Variants in SLC22A24 observed in about 807,000 individuals in gnomAD.
The protein encoded by SLC22A24 is solute carrier family 22 member 24, also known as steroid transmembrane transporter SLC22A24.
A neutral mutation model predicts 49.8 loss-of-function variants in SLC22A24; 53 were observed. The ratio of observed to expected loss-of-function variants is 1.06; its 90% CI spans 0.85 to 1.34. The LOEUF (loss-of-function observed/expected upper bound fraction) is 1.34, where lower values mean the gene tolerates loss of function less well. SLC22A24 is among the 40% of genes most tolerant of loss of function. SLC22A24 has a pLI of 0.00. For missense variants in SLC22A24, 786 were observed against 675.9 expected, an observed-to-expected ratio of 1.16 and a Z score of -1.81; for synonymous variants, 302 against 256.4, an observed-to-expected ratio of 1.18 and a Z score of -1.70.
chr11:63,117,288 A>G (rs983080022), intron 4 of SLC22A24, among the ~76,000 whole-genome samples: 1 of 152,148 alleles, frequency 6.6e-6, no homozygotes, highest in Non-Finnish European at 1.5e-5. Flanking sequence ...TTGTTAACGA[A>G]TTCTGTAAAA....
intron 4 of SLC22A24, among the ~76,000 whole-genome samples, chr11:63,114,933 A>T (rs2087200949): frequency 1.3e-5 from 2 of 152,162 alleles, no homozygotes; most frequent in African/African-American, 4.8e-5. Context: ...TTCCTCTGGA[A>T]GCTTCGTCTC....
chr11:63,081,272 C>G (rs1565321149), intron 8 of SLC22A24, 149 bp from the exon 9 acceptor site: 2 of 706,386 alleles, frequency 2.8e-6, no homozygotes, highest in Admixed American at 2.8e-5. Context: ...ACATTTACCT[C>G]TGTTGGTTTC....
intron 2 of SLC22A24, among the ~76,000 whole-genome samples, chr11:63,131,209 A>G (rs1166733822): frequency 6.6e-6 from 1 of 151,940 alleles, no homozygotes; most frequent in Non-Finnish European, 1.5e-5. Flanking sequence ...GCACACCGAT[A>G]AAGAGTCTTG....
chr11:63,105,707 C>A (rs1033155551), intron 4 of SLC22A24, among the ~76,000 whole-genome samples: 3 of 151,952 alleles, frequency 2.0e-5, no homozygotes, highest in Non-Finnish European at 2.9e-5. Flanking sequence ...GTAAATAGGC[C>A]TATGATGGGA....
intron 4 of SLC22A24, among the ~76,000 whole-genome samples, chr11:63,109,634 A>G (rs1457873950): frequency 1.3e-5 from 2 of 151,618 alleles, no homozygotes; most frequent in African/African-American, 4.8e-5. Context: ...TTTTGGCTGC[A>G]TAAATGTCTT....
At chr11:63,104,034 G>GAT (rs1450924001) in intron 5 of SLC22A24, 141 bp downstream of exon 5, 10 of 725,342 alleles carry the variant, frequency 1.4e-5, no homozygotes, top group East Asian at 5.8e-5. Context: ...CAGGAGGAAA[G>GAT]ATATATATAT....
chr11:63,131,679 A>G (rs1257176393), intron 2 of SLC22A24, among the ~76,000 whole-genome samples: 2 of 152,190 alleles, frequency 1.3e-5, no homozygotes, highest in Non-Finnish European at 2.9e-5. Flanking sequence ...CTTAGTGGGT[A>G]ACCCCACCTT....
At chr11:63,135,923 G>C (rs1399549073) in intron 1 of SLC22A24, among the ~76,000 whole-genome samples, 1 of 152,182 alleles carries the variant, frequency 6.6e-6, no homozygotes, top group Non-Finnish European at 1.5e-5. Context: ...ATGACCAGTT[G>C]AGAGCAATCA....
At chr11:63,131,160 A>C (rs1356141745) in intron 2 of SLC22A24, among the ~76,000 whole-genome samples, 1 of 151,904 alleles carries the variant, frequency 6.6e-6, no homozygotes, top group Non-Finnish European at 1.5e-5. Flanking sequence ...TTTTGAGCCT[A>C]TACACGTCTT....
intron 2 of SLC22A24, among the ~76,000 whole-genome samples, chr11:63,121,142 T>C (rs1422403326): frequency 2.6e-5 from 4 of 152,188 alleles, no homozygotes; most frequent in African/African-American, 4.8e-5. Context: ...CTATGAACTT[T>C]AGTAAATAAT....
chr11:63,081,785 G>T, intron 7 of SLC22A24, 119 bp from the exon 8 acceptor site: 1 of 689,226 alleles, frequency 1.5e-6, no homozygotes, highest in South Asian at 1.7e-5. Flanking sequence ...TAGACAAACT[G>T]CAACATGCCA....
At chr11:63,099,406 G>A (rs1332315883) in intron 5 of SLC22A24, among the ~76,000 whole-genome samples, 1 of 45,988 alleles carries the variant, frequency 2.2e-5, no homozygotes, top group Non-Finnish European at 4.0e-5. Context: ...TTTTTGTAGA[G>A]ATAGGGTCTA....
intron 6 of SLC22A24, among the ~76,000 whole-genome samples, chr11:63,095,463 G>A (rs892057152): frequency 3.3e-5 from 5 of 152,130 alleles, no homozygotes; most frequent in Non-Finnish European, 7.4e-5. Flanking sequence ...TACACAGATA[G>A]CATGATTCCA....
At chr11:63,095,214 C>T (rs569284885) in intron 6 of SLC22A24, among the ~76,000 whole-genome samples, 1 of 151,988 alleles carries the variant, frequency 6.6e-6, no homozygotes, top group South Asian at 2.1e-4. Flanking sequence ...AGTTGAAGTG[C>T]ACATTTGCAC....
intron 4 of SLC22A24, among the ~76,000 whole-genome samples, chr11:63,113,245 C>CATATATATAT (rs1395226659): frequency 1.5e-5 from 2 of 132,428 alleles, no homozygotes; most frequent in African/African-American, 3.2e-5. Context: ...TATATATATA[C>CATATATATAT]ACACATACAC....
rs190694417 is a variant in SLC22A24 at position 63,135,045 on chromosome 11, C to T, written c.403-277G>A. Among the ~76,000 whole-genome samples, 21 of 152,248 alleles carry T rather than the reference C, an allele frequency of 1.4e-4. No homozygotes were observed. The East Asian group carries it at 3.3e-3, about 24-fold the overall frequency. Reference sequence around the variant, plus strand: ...TACAAGTCTTTATTCCTTTTCCTCTCGGACCACTAAGTTCCTTTAATGCAT... The same window carrying T: ...TACAAGTCTTTATTCCTTTTCCTCTTGGACCACTAAGTTCCTTTAATGCAT... On this transcript the variant is annotated intron_variant, in intron 1 of 9. Transcript: ENST00000612278.
At chr11:63,081,467 C>T in intron 8 of SLC22A24, 91 bp downstream of exon 8, 1 of 870,694 alleles carries the variant, frequency 1.1e-6, no homozygotes, top group Non-Finnish European at 1.9e-6. Flanking sequence ...ATTCATCTGG[C>T]ACCTAAACAG....
At chr11:63,138,641 CAAAAAAAAA>C (rs59726580) in intron 1 of SLC22A24, among the ~76,000 whole-genome samples, 7 of 60,772 alleles carry the variant, frequency 1.2e-4, no homozygotes, top group African/African-American at 4.0e-4. Context: ...GACTCTGTCT[CAAAAAAAAA>C]AAAAAAAAAA....
At chr11:63,094,208 T>C (rs558758550) in intron 6 of SLC22A24, among the ~76,000 whole-genome samples, 36 of 145,308 alleles carry the variant, frequency 2.5e-4, no homozygotes, top group African/African-American at 9.1e-4. Flanking sequence ...GTTCTCATTG[T>C]TCAATTCCCA....
Sources: allele counts gnomAD v4.1 joint callset (sites outside exome capture counted in the v4.1 genomes callset), GRCh38; gene constraint gnomAD v4.1.1; transcripts MANE v1.5; gene names NCBI Gene and HGNC (gene_info 2026-07-23, HGNC 2026-07-21).